The following PDS5B variants were observed in gnomAD, a reference collection of about 807,000 sequenced individuals.
PDS5B encodes the protein sister chromatid cohesion protein PDS5 homolog B.
PDS5B carries 51 observed loss-of-function variants against 184.1 expected under a neutral mutation model. That is an observed-to-expected ratio of 0.28 (90% CI 0.22 to 0.35). The LOEUF (loss-of-function observed/expected upper bound fraction) is 0.35, where lower values mean the gene tolerates loss of function less well. Ranked by LOEUF, PDS5B falls within the 10% of genes least tolerant of loss-of-function variation. PDS5B has a pLI of 1.00. For synonymous variants in PDS5B, 566 were observed against 569.2 expected (o/e 0.99, Z 0.08); for missense variants, 1,180 against 1,723.3 (o/e 0.68, Z 5.58).
chr13:32,627,784 A>G (rs2058392762), intron 1 of PDS5B, among the ~76,000 whole-genome samples: 1 of 152,316 alleles, frequency 6.6e-6, no homozygotes, highest in South Asian at 2.1e-4. Flanking sequence ...AGGTGGGATG[A>G]GGATAGAGAT....
At chr13:32,655,374 A>ATATATATTTTTTTTTTTTT in intron 3 of PDS5B, among the ~76,000 whole-genome samples, 2 of 72,484 alleles carry the variant, frequency 2.8e-5, no homozygotes, top group Non-Finnish European at 2.2e-5. Context: ...ATATATATAT[A>ATATATATTTTTTTTTTTTT]TTTTTTTTTT....
intron 29 of PDS5B, 32 bp downstream of exon 29, chr13:32,759,722 T>A: frequency 8.2e-7 from 1 of 1,215,914 alleles, no homozygotes; most frequent in Non-Finnish European, 1.2e-6. Context: ...AATTTTTATG[T>A]GGTAGCTTAT....
intron 14 of PDS5B, 38 bp from the exon 15 acceptor site, chr13:32,696,816 G>T: frequency 6.7e-7 from 1 of 1,489,824 alleles, no homozygotes; most frequent in South Asian, 1.2e-5. Flanking sequence ...TTTCTTGTTA[G>T]GGAATTTTAA....
intron 21 of PDS5B, among the ~76,000 whole-genome samples, chr13:32,739,570 A>G (rs1953468442): frequency 6.6e-6 from 1 of 152,156 alleles, no homozygotes; most frequent in Non-Finnish European, 1.5e-5. Flanking sequence ...TAATGCTTGC[A>G]TATTTTATTT....
At chr13:32,587,438 A>G (rs797994) in intron 1 of PDS5B, among the ~76,000 whole-genome samples, 111,716 of 152,196 alleles carry the variant, frequency 0.73, 42,341 homozygotes, top group African/African-American at 0.94. Context: ...TATTGTTTTT[A>G]CACTGTTATT....
At chr13:32,661,085 C>CA (rs1282442624) in intron 6 of PDS5B, among the ~76,000 whole-genome samples, 1 of 151,874 alleles carries the variant, frequency 6.6e-6, no homozygotes, top group Non-Finnish European at 1.5e-5. Flanking sequence ...GAGAAAAACT[C>CA]ATTAGCAATG....
intron 17 of PDS5B, among the ~76,000 whole-genome samples, chr13:32,704,671 T>A (rs968644521): frequency 4.6e-5 from 7 of 152,232 alleles, no homozygotes; most frequent in African/African-American, 7.2e-5. Context: ...GGTTCTTTAG[T>A]CTTCTGAGGT....
At chr13:32,722,217 G>A (rs1024839299) in intron 19 of PDS5B, among the ~76,000 whole-genome samples, 11 of 152,204 alleles carry the variant, frequency 7.2e-5, no homozygotes, top group Non-Finnish European at 1.0e-4. Flanking sequence ...CCAGTCAGGC[G>A]TGGCGGCGCA....
intron 8 of PDS5B, among the ~76,000 whole-genome samples, chr13:32,673,996 G>A (rs1951003663): frequency 6.6e-6 from 1 of 151,662 alleles, no homozygotes; most frequent in Non-Finnish European, 1.5e-5. Context: ...GTATTTTTTG[G>A]TAGAGACAGG....
chr13:32,620,286 G>A (rs987227511), intron 1 of PDS5B, among the ~76,000 whole-genome samples: 1 of 152,202 alleles, frequency 6.6e-6, no homozygotes, highest in Non-Finnish European at 1.5e-5. Context: ...TAATGAGACT[G>A]TGGTTTCTTT....
chr13:32,735,403 T>A, intron 21 of PDS5B, 73 bp downstream of exon 21: 1 of 1,022,522 alleles, frequency 9.8e-7, no homozygotes, highest in Non-Finnish European at 1.4e-6. Flanking sequence ...AGGAAAGAAG[T>A]GAAATGATAT....
chr13:32,761,065 A>G (rs769913448), intron 30 of PDS5B, among the ~76,000 whole-genome samples: 1 of 152,234 alleles, frequency 6.6e-6, no homozygotes, highest in South Asian at 2.1e-4. Flanking sequence ...CTGAGTTAGT[A>G]TGGAAGAGTT....
At chr13:32,752,519 AAGAC>A (rs1446395895) in intron 24 of PDS5B, among the ~76,000 whole-genome samples, 2 of 152,200 alleles carry the variant, frequency 1.3e-5, no homozygotes, top group African/African-American at 4.8e-5. Context: ...ACTGGTGGGT[AAGAC>A]AGACATTTAA....
chr13:32,719,945 C>A (rs1041546350), intron 19 of PDS5B, among the ~76,000 whole-genome samples: 6 of 151,994 alleles, frequency 3.9e-5, no homozygotes, highest in Admixed American at 2.6e-4. Context: ...CGTGTGCCAC[C>A]ACCCCTGGCA....
chr13:32,698,940 A>T (rs765068657), intron 15 of PDS5B, among the ~76,000 whole-genome samples: 14 of 152,220 alleles, frequency 9.2e-5, no homozygotes, highest in East Asian at 7.7e-4. Flanking sequence ...CTTTTAGTAG[A>T]GACAGGGTTT....
intron 24 of PDS5B, among the ~76,000 whole-genome samples, chr13:32,752,520 A>G (rs1954022849): frequency 6.6e-6 from 1 of 152,218 alleles, no homozygotes; most frequent in Non-Finnish European, 1.5e-5. Flanking sequence ...CTGGTGGGTA[A>G]GACAGACATT....
At chr13:32,694,015 C>T (rs906332963) in intron 13 of PDS5B, among the ~76,000 whole-genome samples, 3 of 151,656 alleles carry the variant, frequency 2.0e-5, no homozygotes, top group Admixed American at 6.6e-5. Flanking sequence ...TACCCTAATT[C>T]GACCACTGAT....
chr13:32,706,675 A>G (rs1404859874), intron 17 of PDS5B, among the ~76,000 whole-genome samples: 1 of 152,220 alleles, frequency 6.6e-6, no homozygotes, highest in Non-Finnish European at 1.5e-5. Context: ...GATGATAAAG[A>G]TATTGATAGC....
At chr13:32,758,447 TG>T in intron 27 of PDS5B, 86 bp from the exon 28 acceptor site, 1 of 1,307,314 alleles carries the variant, frequency 7.6e-7, no homozygotes, top group African/African-American at 1.5e-5. Flanking sequence ...CTATTCAGAC[TG>T]GATTCATGTT....
Sources: gnomAD v4.1 joint callset for allele counts (sites outside exome capture counted in the v4.1 genomes callset) on GRCh38, gnomAD v4.1.1 for gene constraint, MANE v1.5 for transcripts, NCBI Gene and HGNC (gene_info 2026-07-23, HGNC 2026-07-21) for gene names.